HSPG2: variants seen among roughly 807,000 people sequenced by gnomAD.
HSPG2 encodes the protein heparan sulfate proteoglycan 2.
In HSPG2, 278 loss-of-function variants were observed where a neutral mutation model predicts 526.6. That is an observed-to-expected ratio of 0.53 (90% CI 0.48 to 0.58). The LOEUF (loss-of-function observed/expected upper bound fraction) is 0.58, where lower values mean the gene tolerates loss of function less well. Ranked by LOEUF, HSPG2 falls within the 20% of genes least tolerant of loss-of-function variation. HSPG2 has a pLI of 0.00. For synonymous variants in HSPG2, 2,465 were observed against 2,555.4 expected (o/e 0.96, Z 1.07); for missense variants, 5,354 against 6,099.5 (o/e 0.88, Z 4.07).
chr1:21,842,502 C>G, intron 67 of HSPG2, 122 bp from the exon 68 acceptor site: 3 of 1,173,614 alleles, frequency 2.6e-6, no homozygotes, highest in Non-Finnish European at 3.5e-6. Flanking sequence ...GCTGGTAGGG[C>G]TGGTGGAAGC....
chr1:21,864,897 G>A lies in HSPG2; in HGVS notation c.4572C>T (p.Ala1524=), dbSNP rs763652737. The stretch of plus-strand genomic sequence containing the variant: ...GGCAGCGGCACTCCTCCACCTCGAG[G>A]GCGCGGGGTCTGTTTGAGGGCCCCG... The part of the protein sequence containing the change: ...AQPGPSNRPR[A]LEVEECRCPP... The change falls in exon 36 of 97, where the codon GCC becomes GCT. Residue 1524 remains alanine, a synonymous_variant. Transcript: ENST00000374695. This position sits in a 1 kb window ranked among gnomAD's most constrained non-coding sequence, Gnocchi z 4.8. 30 of 1,610,518 alleles carry A rather than the reference G, an allele frequency of 1.9e-5. No homozygotes were observed. The highest frequency in any genetic ancestry group is 2.5e-5 in the Non-Finnish European group (30 of 1,179,496).
Position 21,898,828 on chromosome 1 carries a change from C to T in HSPG2, c.64-2518G>A, listed in dbSNP as rs1381166993. 1.3e-5 allele frequency among the ~76,000 whole-genome samples: 2 copies of T among 152,236 alleles called. No individual in the cohort carries two copies. Among genetic ancestry groups the T allele is most frequent in the Non-Finnish European group, 2.9e-5 (2 of 68,042 alleles). ...GGTTATGGAGGGCATGCCTGGAGCACTGCGACTCCCAGCATCTCCTAGACA... is the reference window on the plus strand; with the variant it reads ...GGTTATGGAGGGCATGCCTGGAGCATTGCGACTCCCAGCATCTCCTAGACA... On this transcript the variant is annotated intron_variant, in intron 1 of 96. Transcript: ENST00000374695. The surrounding 1 kb of genome is among the most constrained non-coding windows in gnomAD (Gnocchi z 4.0).
At chr1:21,850,607 C>G in intron 55 of HSPG2, 109 bp from the exon 56 acceptor site, 2 of 1,313,640 alleles carry the variant, frequency 1.5e-6, no homozygotes, top group Admixed American at 2.8e-5. Context: ...AGCTCTGGAT[C>G]AGTTTCCCTG....
At position 21,878,463 on chromosome 1, in the gene HSPG2, T is replaced by G; in HGVS notation, c.2587A>C (p.Ile863Leu). The stretch of plus-strand genomic sequence containing the variant: ...GGCCTGCACTTCCCGCCGGGCTGGA[T>G]GGGGTTGCCCTCGTATCCGGGGGCA... ...SCAPGYEGNP[I>L]QPGGKCRPVN... is the part of the protein sequence containing the mutation. Residue 863 changes from isoleucine to leucine, a missense_variant, in exon 20 of 97, where the codon ATC becomes CTC. Transcript: ENST00000374695. 3 of 1,609,904 alleles carry G rather than the reference T, an allele frequency of 1.9e-6. No individual in the cohort carries two copies. The highest frequency in any genetic ancestry group is 2.5e-6 in the Non-Finnish European group (3 of 1,177,348).
rs933927485 is a variant in HSPG2 at position 21,895,713 on chromosome 1, T to C, written c.244+209A>G. Among the ~76,000 whole-genome samples the C allele has an allele frequency of 1.3e-5, 2 of 152,204 alleles. No individual in the cohort carries two copies. The highest frequency in any genetic ancestry group is 2.9e-5 in the Non-Finnish European group (2 of 68,022). ...TGCCCTGATACCTGTGCCTGTGGCATGGGCAAGCACAGGACCTGGCCACAC... is the reference window on the plus strand; with the variant it reads ...TGCCCTGATACCTGTGCCTGTGGCACGGGCAAGCACAGGACCTGGCCACAC... On this transcript the variant is annotated intron_variant, in intron 3 of 96. Coordinates refer to ENST00000374695, the MANE Select transcript of HSPG2 (RefSeq NM_005529.7). The surrounding 1 kb of genome is among the most constrained non-coding windows in gnomAD (Gnocchi z 4.1).
chr1:21,867,491 C>T (rs1018421793), intron 33 of HSPG2, among the ~76,000 whole-genome samples: 24 of 152,166 alleles, frequency 1.6e-4, no homozygotes, highest in African/African-American at 5.6e-4. Flanking sequence ...CCTCTCTGAG[C>T]CCTACTTTCC....
At chr1:21,891,529 G>A (rs963302776) in intron 3 of HSPG2, among the ~76,000 whole-genome samples, 2 of 152,226 alleles carry the variant, frequency 1.3e-5, no homozygotes, top group Admixed American at 1.3e-4. Flanking sequence ...AGTGCCTGCC[G>A]CGTGCCTGGT....
intron 1 of HSPG2, among the ~76,000 whole-genome samples, chr1:21,900,461 G>A (rs994006024): frequency 6.6e-6 from 1 of 152,198 alleles, no homozygotes; most frequent in East Asian, 1.9e-4. Context: ...GTGAGAACGA[G>A]GGTCACATGG....
chr1:21,860,070 G>A, intron 40 of HSPG2, 68 bp from the exon 41 acceptor site: 1 of 1,599,746 alleles, frequency 6.3e-7, no homozygotes, highest in Non-Finnish European at 8.5e-7. Flanking sequence ...TCTCCCAAAA[G>A]CTGGGGTACC....
At chr1:21,913,150 T>C (rs560190882) in intron 1 of HSPG2, among the ~76,000 whole-genome samples, 6 of 152,036 alleles carry the variant, frequency 3.9e-5, no homozygotes, top group Non-Finnish European at 2.9e-5. Context: ...AGCCACCTCC[T>C]CCTCTCCTTG....
At position 21,865,365 on chromosome 1, in the gene HSPG2, C is replaced by T; in HGVS notation, c.4315G>A (p.Gly1439Ser). ...PLSDPDVQIT[G>S]NNIMLVASQP... ...GAGGCCACTAGCATGATGTTGTTGCCCTGGAAAGACACCAGCAGGATTGGA... is the reference window on the plus strand; with the variant it reads ...GAGGCCACTAGCATGATGTTGTTGCTCTGGAAAGACACCAGCAGGATTGGA... Residue 1439 changes from glycine to serine, a missense_variant and splice_region_variant, in exon 35 of 97, where the codon GGC (glycine) becomes AGC (serine). Gly to Ser is a moderately conservative substitution (Grantham distance 56, BLOSUM62 0). Coordinates refer to ENST00000374695, the MANE Select transcript of HSPG2 (RefSeq NM_005529.7). This position sits in a 1 kb window ranked among gnomAD's most constrained non-coding sequence, Gnocchi z 5.4. The T allele has an allele frequency of 3.1e-6, 5 of 1,614,042 alleles. No homozygotes were observed. The highest frequency in any genetic ancestry group is 4.2e-6 in the Non-Finnish European group (5 of 1,179,974).
intron 29 of HSPG2, 39 bp from the exon 30 acceptor site, chr1:21,873,463 G>A (rs1335896270): frequency 6.2e-7 from 1 of 1,605,996 alleles, no homozygotes; most frequent in Admixed American, 1.7e-5. Flanking sequence ...TTTGGATGAA[G>A]GGAAGCAGAA....
Position 21,887,888 on chromosome 1 carries a change from T to C in HSPG2, c.703+50A>G, listed in dbSNP as rs1250895193. Reference sequence around the variant, plus strand: ...GCTCCAAGACCCAGGTGTAGGACCCTGGCCCTCCCCTGGCACCCAAACCAC... The same window carrying C: ...GCTCCAAGACCCAGGTGTAGGACCCCGGCCCTCCCCTGGCACCCAAACCAC... On this transcript the variant is annotated intron_variant, in intron 7 of 96. Coordinates refer to ENST00000374695, the MANE Select transcript of HSPG2 (RefSeq NM_005529.7). The surrounding 1 kb of genome is among the most constrained non-coding windows in gnomAD (Gnocchi z 5.0). 3 of 1,612,680 alleles carry C rather than the reference T, an allele frequency of 1.9e-6. No individual in the cohort carries two copies. The highest frequency in any genetic ancestry group is 1.7e-6 in the Non-Finnish European group (2 of 1,179,294).
chr1:21,829,070 A>G lies in HSPG2; in HGVS notation c.12002T>C (p.Val4001Ala). 2 of 1,540,724 alleles carry G rather than the reference A, an allele frequency of 1.3e-6. No individual in the cohort carries two copies. Among genetic ancestry groups the G allele is most frequent in the Non-Finnish European group, 1.7e-6 (2 of 1,146,018 alleles). ...FRYELGSGLAVLRSAEPLALG... is the reference protein window; with the variant it reads ...FRYELGSGLAALRSAEPLALG... ...GGCCAGCGGCTCGGCGCTCCGCAGA[A>G]CGGCCAGCCCTGGGGAGGATGCCAG... is the stretch of plus-strand genomic sequence containing the variant. Residue 4001 changes from valine (V) to alanine (A), a missense_variant, in exon 88 of 97, where the codon GTT becomes GCT. Physicochemically the swap from Val to Ala is moderately conservative, Grantham distance 64 (BLOSUM62 0). Transcript: ENST00000374695.
At chr1:21,883,742 A>G (rs1398207454) in intron 13 of HSPG2, among the ~76,000 whole-genome samples, 1 of 152,242 alleles carries the variant, frequency 6.6e-6, no homozygotes, top group Non-Finnish European at 1.5e-5. Context: ...GCAACGAAGA[A>G]GTGAGACTCA....
At chr1:21,862,905 C>G (rs1639909886) in intron 37 of HSPG2, among the ~76,000 whole-genome samples, 1 of 151,512 alleles carries the variant, frequency 6.6e-6, no homozygotes, top group Non-Finnish European at 1.5e-5. Context: ...ACTAAAAATA[C>G]AAAAATTCGC....
chr1:21,933,767 G>C (rs370387183), intron 1 of HSPG2, among the ~76,000 whole-genome samples: 1 of 152,352 alleles, frequency 6.6e-6, no homozygotes, highest in South Asian at 2.1e-4. Flanking sequence ...TTCCCTCCGG[G>C]AATGTCCAGG....
In HSPG2 at chr1:21,891,199, C is replaced by G. The variant is rs1009510415; in HGVS notation, c.245-505G>C. Among the ~76,000 whole-genome samples, 3 of 152,230 alleles carry G rather than the reference C, an allele frequency of 2.0e-5. No homozygotes were observed. The South Asian group carries it at 6.2e-4, about 32-fold the overall frequency. On this transcript the variant is annotated intron_variant, in intron 3 of 96. Coordinates refer to ENST00000374695, the MANE Select transcript of HSPG2 (RefSeq NM_005529.7). ...TGCCCTGCTTTCCCTAGCAGAGCAC[C>G]TTCCACCGTGTACTGCATAGATTCT...
chr1:21,855,742 C>T (rs762397146), intron 45 of HSPG2, 45 bp downstream of exon 45: 1 of 1,608,916 alleles, frequency 6.2e-7, no homozygotes, highest in South Asian at 1.1e-5. Context: ...CCCTCCCACA[C>T]CCAGGAGAGT....
Sources: allele counts gnomAD v4.1 joint callset (sites outside exome capture counted in the v4.1 genomes callset), GRCh38; gene constraint gnomAD v4.1.1; non-coding constraint Gnocchi (gnomAD v3.1); transcripts MANE v1.5; gene names NCBI Gene and HGNC (gene_info 2026-07-23, HGNC 2026-07-21).